Variants in SETBP1 observed in about 807,000 individuals in gnomAD.
SETBP1 encodes SET binding protein 1.
Under a neutral mutation model 101.0 loss-of-function variants are expected in SETBP1, and 9 were observed. The observed-to-expected ratio is 0.09, with a 90% CI of 0.05 to 0.16. The LOEUF (loss-of-function observed/expected upper bound fraction) is 0.16. SETBP1 is among the 10% of genes least tolerant of loss of function. The pLI is 1.00. For synonymous variants in SETBP1, 818 were observed against 788.5 expected (o/e 1.04, Z -0.63); for missense variants, 1,858 against 2,033.8 (o/e 0.91, Z 1.66).
chr18:44,999,131 T>C (rs900817450), intron 4 of SETBP1, among the ~76,000 whole-genome samples: 1 of 152,178 alleles, frequency 6.6e-6, no homozygotes, highest in Non-Finnish European at 1.5e-5. Flanking sequence ...CTCCTGGTGC[T>C]CTGGTTACCA....
intron 4 of SETBP1, among the ~76,000 whole-genome samples, chr18:44,961,375 C>T (rs996599733): frequency 6.6e-6 from 1 of 152,180 alleles, no homozygotes; most frequent in African/African-American, 2.4e-5. Context: ...TATTTGATGT[C>T]TCATATGTTT....
intron 2 of SETBP1, among the ~76,000 whole-genome samples, chr18:44,749,366 A>G (rs1406826639): frequency 6.6e-6 from 1 of 151,940 alleles, no homozygotes. Flanking sequence ...AGAATTCTAG[A>G]ATATTGTGGG....
At chr18:44,852,208 C>T (rs1317129275) in intron 2 of SETBP1, among the ~76,000 whole-genome samples, 2 of 152,200 alleles carry the variant, frequency 1.3e-5, no homozygotes, top group Non-Finnish European at 2.9e-5. Context: ...CAGCCCACCA[C>T]CTTCAGGGGC....
At chr18:44,795,521 G>C (rs1451649345) in intron 2 of SETBP1, among the ~76,000 whole-genome samples, 1 of 152,036 alleles carries the variant, frequency 6.6e-6, no homozygotes, top group Non-Finnish European at 1.5e-5. Flanking sequence ...TTGATTCTGG[G>C]GTTTCTAAAC....
intron 4 of SETBP1, among the ~76,000 whole-genome samples, chr18:44,991,965 G>A (rs570965884): frequency 1.3e-5 from 2 of 152,026 alleles, no homozygotes; most frequent in African/African-American, 2.4e-5. Context: ...GATTAAACCC[G>A]GTAATCAAAA....
At chr18:44,896,957 G>A (rs2069918836) in intron 3 of SETBP1, among the ~76,000 whole-genome samples, 1 of 152,056 alleles carries the variant, frequency 6.6e-6, no homozygotes, top group African/African-American at 2.4e-5. Flanking sequence ...CACACACACA[G>A]GGTTCTATCA....
rs547115402 is a variant in SETBP1, at chr18:45,063,863, C to G, written c.*165C>G. ...GACGACGGGGCTGAGCCATCAGGAG[C>G]TCTTGGGAAAGCAAAGCAGGGAGAC... On this transcript the variant is annotated 3_prime_UTR_variant, in exon 6 of 6. Transcript: ENST00000649279. 2 of 714,342 alleles carry G rather than the reference C, an allele frequency of 2.8e-6. No individual in the cohort carries two copies. The highest frequency in any genetic ancestry group is 6.0e-5 in the East Asian group (2 of 33,198). The allele number at this position is 714,342 out of a possible 1,614,324, so 44.3% of individuals were successfully genotyped here. A position where few individuals can be genotyped will look rare whatever the true frequency, so the allele number is the denominator to read the frequency against.
Position 44,987,464 on chromosome 18 carries a change from T to A in SETBP1, c.4000+34124T>A, listed in dbSNP as rs1200391625. ...TTCAGCTGCCTCTGCTCAAAATGCT[T>A]TGGAGCTCTCTTGGAAATTCTTTCA... On this transcript the variant is annotated intron_variant, in intron 4 of 5. Transcript: ENST00000649279. The A allele has an allele frequency of 4.6e-5, 7 of 152,232 alleles. No homozygotes were observed. In the East Asian group the frequency reaches 1.3e-3, roughly 29 times the overall value. The allele number at this position is 152,232 out of a possible 1,614,324, so 9.4% of individuals were successfully genotyped here.
chr18:44,917,344 G>A (rs1284598479), intron 3 of SETBP1, among the ~76,000 whole-genome samples: 1 of 152,192 alleles, frequency 6.6e-6, no homozygotes, highest in Admixed American at 6.5e-5. Flanking sequence ...GTCACTGCCT[G>A]GGGAGAGGCA....
At chr18:44,956,980 TTTGGCCTG>T (rs1232998299) in intron 4 of SETBP1, among the ~76,000 whole-genome samples, 4 of 152,178 alleles carry the variant, frequency 2.6e-5, no homozygotes, top group Non-Finnish European at 5.9e-5. Flanking sequence ...CAGTAGCTCT[TTTGGCCTG>T]TTTTCTAAAT....
At chr18:44,991,693 G>A (rs1224951022) in intron 4 of SETBP1, among the ~76,000 whole-genome samples, 1 of 152,072 alleles carries the variant, frequency 6.6e-6, no homozygotes, top group East Asian at 1.9e-4. Flanking sequence ...TCTTCGAATG[G>A]AACATTTTAA....
intron 4 of SETBP1, among the ~76,000 whole-genome samples, chr18:45,026,824 ACACACGTGTGTATGTG>A (rs1369719487): frequency 2.6e-5 from 4 of 152,126 alleles, no homozygotes; most frequent in African/African-American, 9.7e-5. Context: ...ATGCGCGTGT[ACACACGTGTGTATGTG>A]CGTGTACAAA....
At chr18:44,931,849 G>C (rs1043629258) in intron 3 of SETBP1, among the ~76,000 whole-genome samples, 6 of 152,138 alleles carry the variant, frequency 3.9e-5, no homozygotes, top group African/African-American at 1.4e-4. Context: ...ACGTGAGATG[G>C]GTCTCCTGAA....
intron 2 of SETBP1, among the ~76,000 whole-genome samples, chr18:44,735,882 T>C (rs2069954723): frequency 6.6e-6 from 1 of 152,208 alleles, no homozygotes; most frequent in South Asian, 2.1e-4. Context: ...GTGAGTCCTT[T>C]TTCATAAAAC....
At chr18:44,723,124 A>G (rs1165472170) in intron 2 of SETBP1, among the ~76,000 whole-genome samples, 1 of 152,200 alleles carries the variant, frequency 6.6e-6, no homozygotes. Context: ...ATGGAACACT[A>G]GGCATAACTG....
At chr18:44,879,660 G>C (rs1026176983) in intron 3 of SETBP1, among the ~76,000 whole-genome samples, 6 of 152,140 alleles carry the variant, frequency 3.9e-5, no homozygotes, top group Non-Finnish European at 8.8e-5. Context: ...CCTTTCACTA[G>C]GCTGTTTATG....
intron 3 of SETBP1, among the ~76,000 whole-genome samples, chr18:44,876,326 T>C (rs1270375647): frequency 6.6e-6 from 1 of 152,176 alleles, no homozygotes; most frequent in Non-Finnish European, 1.5e-5. Context: ...CTGCAGCTGC[T>C]GCTTCCTTAC....
In SETBP1 at chr18:44,995,228, G is replaced by A. The variant is rs75266985; in HGVS notation, c.4000+41888G>A. On this transcript the variant is annotated intron_variant, in intron 4 of 5. Coordinates refer to ENST00000649279, the MANE Select transcript of SETBP1 (RefSeq NM_015559.3). ...GCGATCTTGGCTCACTGCAAGCTCC[G>A]CCTCCTGGGTTCACGCCATTCTCCT... Among the ~76,000 whole-genome samples the A allele has an allele frequency of 2.8e-3, 381 of 138,048 alleles. 11 individuals carry two copies. The East Asian group carries it at 0.068, about 25-fold the overall frequency. The allele number at this position is 138,048 out of a possible 152,430, so 90.6% of individuals were successfully genotyped here.
At chr18:44,836,320 C>T (rs541434579) in intron 2 of SETBP1, among the ~76,000 whole-genome samples, 1 of 152,226 alleles carries the variant, frequency 6.6e-6, no homozygotes, top group South Asian at 2.1e-4. Context: ...TGCCTTTTCC[C>T]TAGTTAGGTT....
Sources: allele counts gnomAD v4.1 joint callset (sites outside exome capture counted in the v4.1 genomes callset), GRCh38; gene constraint gnomAD v4.1.1; transcripts MANE v1.5; gene names NCBI Gene and HGNC (gene_info 2026-07-23, HGNC 2026-07-21).